EIF2A: variants seen among roughly 807,000 people sequenced by gnomAD.
The protein encoded by EIF2A is eukaryotic translation initiation factor 2A, also known as 65 kDa eukaryotic translation initiation factor 2A.
Under a neutral mutation model 75.2 loss-of-function variants are expected in EIF2A, and 62 were observed. The ratio of observed to expected loss-of-function variants is 0.82; its 90% confidence interval spans 0.67 to 1.02. EIF2A has a LOEUF of 1.02. EIF2A is among the 50% of genes least tolerant of loss of function. EIF2A has a pLI of 0.00. For synonymous variants in EIF2A, 207 were observed against 239.0 expected, an observed-to-expected ratio of 0.87 and a Z score of 1.23; for missense variants, 611 against 677.7, an observed-to-expected ratio of 0.90 and a Z score of 1.09.
intron 6 of EIF2A, among the ~76,000 whole-genome samples, chr3:150,565,584 T>G (rs1490014628): frequency 6.6e-6 from 1 of 152,106 alleles, no homozygotes; most frequent in Non-Finnish European, 1.5e-5. Flanking sequence ...TTCTTGTTTT[T>G]CGAGAGTGGG....
intron 3 of EIF2A, among the ~76,000 whole-genome samples, chr3:150,560,085 TAG>T (rs1434456033): frequency 1.3e-5 from 2 of 152,164 alleles, no homozygotes; most frequent in East Asian, 1.9e-4. Context: ...TCTTCTAGCT[TAG>T]AGTTTGTTGA....
At chr3:150,564,222 ATTACT>A (rs1241105809) in intron 5 of EIF2A, 72 bp from the exon 6 acceptor site, 33 of 1,112,850 alleles carry the variant, frequency 3.0e-5, no homozygotes, top group Admixed American at 3.2e-5. Flanking sequence ...AATATCATAA[ATTACT>A]TTAACATGTT....
chr3:150,583,088 T>C (rs1050349344), intron 12 of EIF2A, 112 bp from the exon 13 acceptor site: 2 of 899,332 alleles, frequency 2.2e-6, no homozygotes, highest in Admixed American at 3.2e-5. Context: ...CCATTGTTGA[T>C]ACAAATCTAA....
intron 6 of EIF2A, among the ~76,000 whole-genome samples, chr3:150,565,394 C>T (rs1459279612): frequency 6.6e-6 from 1 of 152,034 alleles, no homozygotes; most frequent in African/African-American, 2.4e-5. Flanking sequence ...GGTTTTTTCT[C>T]CCTCACTTAT....
Position 150,584,186 on chromosome 3 carries a change from T to G in EIF2A, c.*275T>G, listed in dbSNP as rs1452549833. ...GACAGATTGAAAGACAAGTGTCATT[T>G]TTTTTTGTAGAGGGTGATATATACC... On this transcript the variant is annotated 3_prime_UTR_variant, in exon 14 of 14. Transcript: ENST00000460851. The G allele has an allele frequency of 3.2e-6, 1 of 308,796 alleles. No individual in the cohort carries two copies. Among genetic ancestry groups the G allele is most frequent in the East Asian group, 5.8e-5 (1 of 17,278 alleles). The allele number at this position is 308,796 out of a possible 1,614,324, so 19.1% of individuals were successfully genotyped here.
intron 11 of EIF2A, among the ~76,000 whole-genome samples, chr3:150,581,092 C>A (rs6794400): frequency 0.11 from 16,929 of 152,136 alleles, 1,221 homozygotes; most frequent in Non-Finnish European, 0.16. Flanking sequence ...TGAGGAGGGA[C>A]AAGAAAAGTT....
At chr3:150,575,347 C>G (rs937087500) in intron 10 of EIF2A, among the ~76,000 whole-genome samples, 3 of 152,142 alleles carry the variant, frequency 2.0e-5, no homozygotes, top group Non-Finnish European at 4.4e-5. Context: ...TTGTTGGTAT[C>G]TAGTTTTCAT....
chr3:150,552,058 T>C (rs939109521), intron 1 of EIF2A, among the ~76,000 whole-genome samples: 4 of 152,242 alleles, frequency 2.6e-5, no homozygotes, highest in Non-Finnish European at 5.9e-5. Context: ...CAGGCAGTTA[T>C]AAACTTAGGT....
chr3:150,577,492 C>T (rs1004217053), intron 11 of EIF2A, among the ~76,000 whole-genome samples: 3 of 152,054 alleles, frequency 2.0e-5, no homozygotes, highest in Admixed American at 6.6e-5. Context: ...ACATGTACAC[C>T]ACCATTCCCA....
At chr3:150,548,260 T>C (rs1372506538) in intron 1 of EIF2A, among the ~76,000 whole-genome samples, 1 of 152,220 alleles carries the variant, frequency 6.6e-6, no homozygotes, top group Non-Finnish European at 1.5e-5. Flanking sequence ...TCTGTTGAAA[T>C]TAAAATTCAT....
intron 2 of EIF2A, among the ~76,000 whole-genome samples, chr3:150,553,445 G>T (rs1723417939): frequency 6.6e-6 from 1 of 151,632 alleles, no homozygotes; most frequent in East Asian, 1.9e-4. Flanking sequence ...TTTTGCCCTT[G>T]TTGCCCAGGC....
chr3:150,570,075 T>C (rs2107942779), intron 9 of EIF2A, among the ~76,000 whole-genome samples: 1 of 152,218 alleles, frequency 6.6e-6, no homozygotes, highest in East Asian at 1.9e-4. Context: ...TCTGGTTGGG[T>C]CAAAAACTTA....
intron 1 of EIF2A, 78 bp downstream of exon 1, chr3:150,546,908 G>T (rs1390986972): frequency 1.3e-6 from 2 of 1,591,000 alleles, no homozygotes; most frequent in Admixed American, 3.4e-5. Flanking sequence ...AGAACTACCC[G>T]AGGAGCCGGG....
chr3:150,554,467 A>G (rs951502912), intron 2 of EIF2A, among the ~76,000 whole-genome samples: 2 of 152,228 alleles, frequency 1.3e-5, no homozygotes, highest in Non-Finnish European at 2.9e-5. Flanking sequence ...AAATGGATCT[A>G]GGCCACTGGT....
In EIF2A at chr3:150,553,259, G is replaced by C. The variant is rs184799369; in HGVS notation, c.98+834G>C. On this transcript the variant is annotated intron_variant, in intron 2 of 13. Coordinates refer to ENST00000460851, the MANE Select transcript of EIF2A (RefSeq NM_032025.5). ...AATCGCTTGAAACCCGGAGGTGGAG[G>C]TTGCAGTGAGCCAAAATCAGGGCAT... Among the ~76,000 whole-genome samples, 8 of 149,782 alleles carry C rather than the reference G, an allele frequency of 5.3e-5. No homozygotes were observed. The East Asian group carries it at 1.6e-3, about 30-fold the overall frequency.
At chr3:150,560,521 A>G (rs1004656255) in intron 3 of EIF2A, among the ~76,000 whole-genome samples, 1 of 152,238 alleles carries the variant, frequency 6.6e-6, no homozygotes, top group African/African-American at 2.4e-5. Flanking sequence ...GAAGAAAACA[A>G]GAAAGCGTCT....
intron 9 of EIF2A, among the ~76,000 whole-genome samples, chr3:150,568,921 T>C (rs1724346356): frequency 6.6e-6 from 1 of 152,146 alleles, no homozygotes; most frequent in African/African-American, 2.4e-5. Flanking sequence ...TGTCTCAAAA[T>C]AATAATATCC....
chr3:150,579,651 G>A (rs1725058807), intron 11 of EIF2A, among the ~76,000 whole-genome samples: 1 of 150,810 alleles, frequency 6.6e-6, no homozygotes, highest in African/African-American at 2.4e-5. Context: ...GGAGGTGGAG[G>A]TTGCAATGAG....
chr3:150,563,546 C>A lies in EIF2A; in HGVS notation c.324C>A (p.Asn108Lys). ...AAGATGGCACAGCTGGGATACCCAA[C>A]CTACAACTTTATGATGTGAAAACTG... ...TSKDGTAGIPNLQLYDVKTGT... is the reference protein window; with the variant it reads ...TSKDGTAGIPKLQLYDVKTGT... The change falls in exon 5 of 14, where the codon AAC becomes AAA. Residue 108 changes from asparagine (N) to lysine (K), a missense_variant. Physicochemically the swap from Asn to Lys is moderately conservative, Grantham distance 94. Transcript: ENST00000460851. 2 of 1,546,622 alleles carry A rather than the reference C, an allele frequency of 1.3e-6. No homozygotes were observed. Among genetic ancestry groups the A allele is most frequent in the Non-Finnish European group, 8.7e-7 (1 of 1,146,158 alleles).
Sources: gnomAD v4.1 joint callset for allele counts (sites outside exome capture counted in the v4.1 genomes callset) on GRCh38, gnomAD v4.1.1 for gene constraint, MANE v1.5 for transcripts, NCBI Gene and HGNC (gene_info 2026-07-23, HGNC 2026-07-21) for gene names.